Variants in USB1 observed in about 807,000 individuals in gnomAD.
USB1 encodes U6 snRNA biogenesis phosphodiesterase 1, also known as U6 snRNA phosphodiesterase 1.
USB1 carries 21 observed loss-of-function variants against 29.9 expected under a neutral mutation model. The ratio of observed to expected loss-of-function variants is 0.70; its 90% CI spans 0.50 to 1.01. The LOEUF (loss-of-function observed/expected upper bound fraction) is 1.01, where lower values mean the gene tolerates loss of function less well. Ranked by LOEUF, USB1 falls within the 50% of genes least tolerant of loss-of-function variation. The pLI is 0.00. For synonymous variants in USB1, 143 were observed against 134.9 expected (o/e 1.06, Z -0.42); for missense variants, 330 against 347.1 (o/e 0.95, Z 0.39).
At chr16:58,001,623 C>T (rs1963196246) in intron 1 of USB1, 42 bp downstream of exon 1, 1 of 1,565,496 alleles carries the variant, frequency 6.4e-7, no homozygotes, top group East Asian at 2.4e-5. Flanking sequence ...CGCGCATTCA[C>T]CCTAGAGCCA....
chr16:58,000,647 G>A (rs1306372786), upstream of USB1, among the ~76,000 whole-genome samples: 4 of 149,552 alleles, frequency 2.7e-5, no homozygotes, highest in East Asian at 7.8e-4. The surrounding 1 kb of genome is among the most constrained non-coding windows in gnomAD (Gnocchi z 4.5). Flanking sequence ...GCGGGCGGAC[G>A]GACCGATGGC....
At chr16:58,004,103 C>G (rs532285803) in intron 2 of USB1, among the ~76,000 whole-genome samples, 9 of 152,230 alleles carry the variant, frequency 5.9e-5, no homozygotes, top group African/African-American at 2.2e-4. Flanking sequence ...AGTTCTGTGT[C>G]CATTTTGAGT....
chr16:58,002,572 C>A lies in USB1; in HGVS notation c.192C>A (p.Ser64Arg), dbSNP rs991078338. 2 of 1,613,970 alleles carry A rather than the reference C, an allele frequency of 1.2e-6. No homozygotes were observed. Among genetic ancestry groups the A allele is most frequent in the Non-Finnish European group, 8.5e-7 (1 of 1,180,046 alleles). ...PGTEEGPEDD[S>R]TKHGGRVRTF... is the part of the protein sequence containing the mutation. The stretch of plus-strand genomic sequence containing the variant: ...CCGAGGAGGGGCCTGAAGATGACAG[C>A]ACAAAACACGGGGGACGGGTGCGCA... The change falls in exon 2 of 7, where the codon AGC becomes AGA. Residue 64 changes from serine (S) to arginine (R), a missense_variant. Transcript: ENST00000219281.
chr16:58,011,117 A>G (rs1474307546), intron 3 of USB1: 1 of 1,188,938 alleles, frequency 8.4e-7, no homozygotes, highest in South Asian at 1.3e-5. Flanking sequence ...AGCCAGGATC[A>G]CAGACCAGAT....
Position 58,020,429 on chromosome 16 carries a change from T to C in USB1, c.*184T>C. On this transcript the variant is annotated 3_prime_UTR_variant, in exon 7 of 7. Coordinates refer to ENST00000219281, the MANE Select transcript of USB1 (RefSeq NM_024598.4). ...CTGATATTCTCTCTCTCTCTTTCTCTTCCTCTTCTTTCTCTCTCTTCTCCT... is the reference window on the plus strand; with the variant it reads ...CTGATATTCTCTCTCTCTCTTTCTCCTCCTCTTCTTTCTCTCTCTTCTCCT... 1 of 640,782 alleles carries C rather than the reference T, an allele frequency of 1.6e-6. No individual in the cohort carries two copies. Among genetic ancestry groups the C allele is most frequent in the East Asian group, 2.8e-5 (1 of 36,286 alleles). The allele number at this position is 640,782 out of a possible 1,614,324, so 39.7% of individuals were successfully genotyped here. A position where few individuals can be genotyped will look rare whatever the true frequency, so the allele number is the denominator to read the frequency against.
At chr16:58,017,612 G>A (rs1022284143) in intron 5 of USB1, among the ~76,000 whole-genome samples, 173 bp downstream of exon 5, 9 of 152,234 alleles carry the variant, frequency 5.9e-5, no homozygotes, top group African/African-American at 2.2e-4. Flanking sequence ...GCTTTGAGGT[G>A]TAGTCAGATG....
At position 58,020,204 on chromosome 16, in the gene USB1, T is replaced by C; in HGVS notation, c.757T>C (p.Cys253Arg). Residue 253 changes from cysteine (C) to arginine (R), a missense_variant, in exon 7 of 7, where the codon TGC (cysteine) becomes CGC (arginine). Transcript: ENST00000219281. ...LLRVHTEQVRCKSGNKFFSMP... is the reference protein window; with the variant it reads ...LLRVHTEQVRRKSGNKFFSMP... ...GCGCGTGCACACTGAGCAAGTCCGC[T>C]GCAAGTCTGGGAACAAGTTCTTCTC... 6.2e-7 allele frequency: 1 copy of C among 1,614,152 alleles called. No individual in the cohort carries two copies. The highest frequency in any genetic ancestry group is 8.5e-7 in the Non-Finnish European group (1 of 1,180,018).
intron 4 of USB1, chr16:58,016,665 C>T (rs963982496): frequency 2.6e-5 from 4 of 155,926 alleles, no homozygotes; most frequent in Non-Finnish European, 5.7e-5. Context: ...AAAAGGGTTT[C>T]AAGGAGGGAA....
intron 2 of USB1, among the ~76,000 whole-genome samples, chr16:58,007,509 G>A (rs757716410): frequency 1.3e-5 from 2 of 152,052 alleles, no homozygotes; most frequent in Non-Finnish European, 2.9e-5. Context: ...AGCCTCATGA[G>A]TAGCTGGGAT....
At chr16:58,007,977 T>A (rs1268641897) in intron 2 of USB1, among the ~76,000 whole-genome samples, 1 of 152,022 alleles carries the variant, frequency 6.6e-6, no homozygotes, top group African/African-American at 2.4e-5. Context: ...AGTGAGACTC[T>A]GTCTCAAAAA....
chr16:58,001,933 C>T (rs963416699), intron 1 of USB1, among the ~76,000 whole-genome samples: 3 of 152,198 alleles, frequency 2.0e-5, no homozygotes, highest in African/African-American at 7.2e-5. Context: ...GTAGGGAGAG[C>T]CTTTTCATTC....
chr16:58,010,872 G>C lies in USB1; in HGVS notation c.449+760G>C, dbSNP rs1205461692. ...CACCAAGGGAAGCTCCTCAAACCCT[G>C]TAGTTCCAAATTTTTACGGAGGCTT... On this transcript the variant is annotated intron_variant, in intron 3 of 6. Transcript: ENST00000219281. The C allele has an allele frequency of 4.7e-6, 3 of 637,986 alleles. No homozygotes were observed. In the East Asian group the frequency reaches 8.2e-5, roughly 17 times the overall value. 39.5% of individuals were successfully genotyped at this position (637,986 alleles called of 1,614,324 possible).
Position 58,013,429 on chromosome 16 carries a change from G to T in USB1, c.450-844G>T. 3.0e-6 allele frequency: 3 copies of T among 985,458 alleles called. No homozygotes were observed. Among genetic ancestry groups the T allele is most frequent in the Non-Finnish European group, 3.6e-6 (3 of 829,968 alleles). 61.0% of individuals were successfully genotyped at this position (985,458 alleles called of 1,614,324 possible). Reference sequence around the variant, plus strand: ...TCTACCCAGCATGCTGGTATATTATGTTCCCTCAGATGGGGGTGAGACCCT... The same window carrying T: ...TCTACCCAGCATGCTGGTATATTATTTTCCCTCAGATGGGGGTGAGACCCT... On this transcript the variant is annotated intron_variant, in intron 3 of 6. Coordinates refer to ENST00000219281, the MANE Select transcript of USB1 (RefSeq NM_024598.4). This position sits in a 1 kb window ranked among gnomAD's most constrained non-coding sequence, Gnocchi z 4.3.
chr16:58,008,619 AT>A (rs1003352608), intron 2 of USB1, among the ~76,000 whole-genome samples: 1 of 151,568 alleles, frequency 6.6e-6, no homozygotes, highest in African/African-American at 2.4e-5. Context: ...GTGCCCAGTT[AT>A]TTTTGTATTT....
chr16:58,012,615 T>C (rs1183855257), intron 3 of USB1: 3 of 1,366,840 alleles, frequency 2.2e-6, no homozygotes, highest in Non-Finnish European at 2.8e-6. Flanking sequence ...GTCACAGGAA[T>C]GACTGCCTGG....
intron 3 of USB1, 49 bp downstream of exon 3, chr16:58,010,161 C>T: frequency 6.2e-7 from 1 of 1,608,868 alleles, no homozygotes; most frequent in Non-Finnish European, 8.5e-7. Context: ...TCCATGGCTT[C>T]TCCTCCTCTC....
Position 58,008,490 on chromosome 16 carries a change from G to A in USB1, c.266-1439G>A, listed in dbSNP as rs369833651. ...TTTTTTTGTGAGGGAGCCTCGATCC[G>A]TCACCCAGGCTGGAGTACAGTGGCG... is the stretch of plus-strand genomic sequence containing the variant. On this transcript the variant is annotated intron_variant, in intron 2 of 6. Transcript: ENST00000219281. Among the ~76,000 whole-genome samples the A allele has an allele frequency of 2.1e-4, 27 of 131,594 alleles. No individual in the cohort carries two copies. In the East Asian group the frequency reaches 3.6e-3, roughly 18 times the overall value. The allele number at this position is 131,594 out of a possible 152,430, so 86.3% of individuals were successfully genotyped here.
Position 58,020,332 on chromosome 16 carries a change from C to G in USB1, c.*87C>G. The G allele has an allele frequency of 2.2e-6, 3 of 1,345,384 alleles. No homozygotes were observed. Among genetic ancestry groups the G allele is most frequent in the Non-Finnish European group, 3.2e-6 (3 of 951,114 alleles). The allele number at this position is 1,345,384 out of a possible 1,614,324, so 83.3% of individuals were successfully genotyped here. On this transcript the variant is annotated 3_prime_UTR_variant, in exon 7 of 7. Coordinates refer to ENST00000219281, the MANE Select transcript of USB1 (RefSeq NM_024598.4). ...TAAAATCGATGGAGATGCTTCTAGC[C>G]TCCCAGTAGGAGGCCCCAGCCATGC...
intron 1 of USB1, 141 bp downstream of exon 1, chr16:58,001,722 A>G (rs946195486): frequency 1.9e-6 from 2 of 1,029,042 alleles, no homozygotes; most frequent in Admixed American, 4.1e-5. Flanking sequence ...AGAAAGGAGG[A>G]TCCAGAAGAT....
Sources: allele counts gnomAD v4.1 joint callset (sites outside exome capture counted in the v4.1 genomes callset), GRCh38; gene constraint gnomAD v4.1.1; non-coding constraint Gnocchi (gnomAD v3.1); transcripts MANE v1.5; gene names NCBI Gene and HGNC (gene_info 2026-07-23, HGNC 2026-07-21).